CDH3: variants seen among roughly 807,000 people sequenced by gnomAD.
The protein encoded by CDH3 is cadherin 3.
Under a neutral mutation model 82.0 loss-of-function variants are expected in CDH3, and 54 were observed. That is an observed-to-expected ratio of 0.66 (90% CI 0.53 to 0.83). CDH3 has a LOEUF of 0.83. CDH3 is among the 40% of genes least tolerant of loss of function. The pLI, the probability that CDH3 is intolerant of heterozygous loss-of-function variation, is 0.00. For missense variants in CDH3, 1,054 were observed against 1,084.6 expected, an observed-to-expected ratio of 0.97 and a Z score of 0.40; for synonymous variants, 446 against 437.9, an observed-to-expected ratio of 1.02 and a Z score of -0.23.
In CDH3 at chr16:68,691,747, A is replaced by T; in HGVS notation, c.1823A>T (p.Lys608Met). Residue 608 changes from lysine (K) to methionine (M), a missense_variant, in exon 13 of 16, where the codon AAG (lysine) becomes ATG (methionine). Transcript: ENST00000264012. ...GACACAGTGGTCTTGTCCCTGAAGA[A>T]GTTCCTGAAGCAGGATACATATGAC... ...EGDTVVLSLK[K>M]FLKQDTYDVH... 1 of 1,614,186 alleles carries T rather than the reference A, an allele frequency of 6.2e-7. No homozygotes were observed. The highest frequency in any genetic ancestry group is 8.5e-7 in the Non-Finnish European group (1 of 1,180,022).
chr16:68,704,596 GGAGA>G (rs1398018215), downstream of CDH3, among the ~76,000 whole-genome samples: 1 of 152,264 alleles, frequency 6.6e-6, no homozygotes, highest in Non-Finnish European at 1.5e-5. Context: ...AGGGAGGGAG[GGAGA>G]GAGGAAGGGA....
At chr16:68,705,861 C>T (rs55946539) in intron 1 of CDH3, among the ~76,000 whole-genome samples, 83,865 of 150,756 alleles carry the variant, frequency 0.56, 23,648 homozygotes, top group Middle Eastern at 0.62. Context: ...GTCAAGAGAT[C>T]GAGACCATTC....
intron 2 of CDH3, among the ~76,000 whole-genome samples, chr16:68,671,680 C>A (rs1257971431): frequency 6.6e-6 from 1 of 151,914 alleles, no homozygotes; most frequent in Non-Finnish European, 1.5e-5. Context: ...GGCCACCATG[C>A]CCAGCTAATT....
intron 10 of CDH3, 80 bp downstream of exon 10, chr16:68,684,904 A>G (rs1171793530): frequency 2.6e-6 from 4 of 1,541,120 alleles, no homozygotes; most frequent in East Asian, 2.2e-5. Flanking sequence ...GTTTGTTCTG[A>G]TTACCATAGA....
At chr16:68,691,601 G>C (rs1195379393) in intron 12 of CDH3, 119 bp from the exon 13 acceptor site, 1 of 790,264 alleles carries the variant, frequency 1.3e-6, no homozygotes. Context: ...AAGTGTGCTT[G>C]TGGAGTATTT....
In CDH3 at chr16:68,679,694, CAAAAA is replaced by C. The variant is rs66540234; in HGVS notation, c.692-85_692-81del. On this transcript the variant is annotated intron_variant, in intron 6 of 15. Transcript: ENST00000264012. ...TGGGTGATAGAGTGAGACTTCATCT[CAAAAA>C]AAAAAAAAAAAAAAAAAAAGAAAAG... 7.5e-3 allele frequency: 2,706 copies of C among 361,038 alleles called. 1 individual carries two copies. The highest frequency in any genetic ancestry group is 0.012 in the Middle Eastern group (14 of 1,216). The allele number at this position is 361,038 out of a possible 1,614,324, so 22.4% of individuals were successfully genotyped here. A position where few individuals can be genotyped will look rare whatever the true frequency, so the allele number is the denominator to read the frequency against.
intron 11 of CDH3, 145 bp from the exon 12 acceptor site, chr16:68,687,367 C>T: frequency 1.5e-6 from 1 of 663,058 alleles, no homozygotes; most frequent in Non-Finnish European, 2.7e-6. Context: ...AGAATGATGG[C>T]TCAACTGGCA....
At chr16:68,671,059 C>T (rs1020726602) in intron 2 of CDH3, among the ~76,000 whole-genome samples, 3 of 151,354 alleles carry the variant, frequency 2.0e-5, no homozygotes, top group Non-Finnish European at 2.9e-5. Flanking sequence ...AGTAACAGAG[C>T]GAGACTGTGT....
intron 2 of CDH3, among the ~76,000 whole-genome samples, chr16:68,724,619 C>G (rs966400333): frequency 3.3e-5 from 3 of 91,470 alleles, no homozygotes; most frequent in Non-Finnish European, 7.5e-5. Context: ...AGAGGCGAGA[C>G]CCTATTATTT....
rs763033529 is a variant in CDH3, at chr16:68,682,459, G to A, written c.1154G>A (p.Ser385Asn). 12 of 1,614,004 alleles carry A rather than the reference G, an allele frequency of 7.4e-6. No homozygotes were observed. The Admixed American group carries it at 1.8e-4, about 25-fold the overall frequency. Residue 385 changes from serine (S) to asparagine (N), a missense_variant, in exon 9 of 16, where the codon AGC becomes AAC. Physicochemically the swap from Ser to Asn is conservative, Grantham distance 46. Transcript: ENST00000264012. ...DHFTITTHPE[S>N]NQGILTTRKG... ...TTTACCATCACCACCCACCCTGAGAGCAACCAGGGCATCCTGACAACCAGG... is the reference window on the plus strand; with the variant it reads ...TTTACCATCACCACCCACCCTGAGAACAACCAGGGCATCCTGACAACCAGG...
chr16:68,682,182 G>A lies in CDH3; in HGVS notation c.997-120G>A, dbSNP rs2862777. 13,028 of 1,104,340 alleles carry A rather than the reference G, an allele frequency of 0.012. 113 individuals carry two copies. Among genetic ancestry groups the A allele is most frequent in the South Asian group, 0.022 (1,609 of 74,700 alleles). The allele number at this position is 1,104,340 out of a possible 1,614,324, so 68.4% of individuals were successfully genotyped here. ...TACCCTGAAACCCCGCAAAGTGGGT[G>A]GGTGGTCCAGGAAAGGGTAAAGGCA... On this transcript the variant is annotated intron_variant, in intron 8 of 15. Coordinates refer to ENST00000264012, the MANE Select transcript of CDH3 (RefSeq NM_001793.6).
chr16:68,670,367 C>T (rs1039209228), intron 2 of CDH3, among the ~76,000 whole-genome samples: 1 of 152,070 alleles, frequency 6.6e-6, no homozygotes, highest in South Asian at 2.1e-4. Flanking sequence ...CTAGTCATCT[C>T]ACCGCCACCA....
intron 8 of CDH3, 124 bp downstream of exon 8, chr16:68,681,220 C>A (rs1567449609): frequency 2.0e-6 from 2 of 1,012,012 alleles, no homozygotes; most frequent in African/African-American, 1.6e-5. Context: ...GCTGTGTGAC[C>A]TTAGGAAAAC....
chr16:68,698,282 C>T lies in CDH3; in HGVS notation c.2372C>T (p.Ser791Phe), dbSNP rs768011297. 6.2e-7 allele frequency: 1 copy of T among 1,614,254 alleles called. No individual in the cohort carries two copies. Among genetic ancestry groups the T allele is most frequent in the South Asian group, 1.1e-5 (1 of 91,090 alleles). ...DYEGSGSDAA[S>F]LSSLTSSASD... The stretch of plus-strand genomic sequence containing the variant: ...GAGGGCAGCGGCTCCGACGCCGCGT[C>T]CCTGAGCTCCCTCACCTCCTCCGCC... Residue 791 changes from serine to phenylalanine, a missense_variant, in exon 16 of 16, where the codon TCC becomes TTC. Physicochemically the swap from Ser to Phe is radical, Grantham distance 155. Transcript: ENST00000264012.
intron 2 of CDH3, chr16:68,651,300 C>A (rs764332154): frequency 1.3e-5 from 7 of 549,686 alleles, no homozygotes; most frequent in Non-Finnish European, 2.6e-5. Flanking sequence ...CCGTCATGCC[C>A]ATGTGGCTGG....
At chr16:68,695,520 C>A in intron 14 of CDH3, 135 bp downstream of exon 14, 1 of 938,496 alleles carries the variant, frequency 1.1e-6, no homozygotes, top group Non-Finnish European at 1.6e-6. Context: ...CCTTTTCTAA[C>A]ATCCTCCAGC....
downstream of CDH3, among the ~76,000 whole-genome samples, chr16:68,729,809 A>C (rs546387929): frequency 6.6e-5 from 10 of 151,496 alleles, no homozygotes; most frequent in African/African-American, 2.4e-4. Flanking sequence ...TTTTTTTTTA[A>C]TTTTTTGTAC....
intron 12 of CDH3, 30 bp downstream of exon 12, chr16:68,687,766 G>T: frequency 6.5e-7 from 1 of 1,546,666 alleles, no homozygotes; most frequent in Middle Eastern, 1.8e-4. Flanking sequence ...TAGCGGGTGG[G>T]GTGCCAGCCC....
chr16:68,693,178 G>C (rs935822236), intron 13 of CDH3, among the ~76,000 whole-genome samples: 11 of 152,146 alleles, frequency 7.2e-5, no homozygotes, highest in Admixed American at 1.3e-4. Flanking sequence ...ATCATGTCAG[G>C]CCTCATAGGT....
Sources: allele counts gnomAD v4.1 joint callset (sites outside exome capture counted in the v4.1 genomes callset), GRCh38; gene constraint gnomAD v4.1.1; transcripts MANE v1.5; gene names NCBI Gene and HGNC (gene_info 2026-07-23, HGNC 2026-07-21).